Variants in RAD51AP2 observed in about 807,000 individuals in gnomAD.
RAD51AP2 encodes the protein RAD51 associated protein 2, also known as RAD51-associated protein 2.
RAD51AP2 carries 67 observed loss-of-function variants against 85.5 expected under a neutral mutation model. That is an observed-to-expected ratio of 0.78 (90% CI 0.64 to 0.96). RAD51AP2 has a LOEUF of 0.96. Among genes scored for constraint, RAD51AP2 ranks in the 40% least tolerant of loss-of-function variants. The pLI is 0.00. For synonymous variants in RAD51AP2, 474 were observed against 446.5 expected (o/e 1.06, Z -0.78); for missense variants, 1,307 against 1,332.4 (o/e 0.98, Z 0.30).
Position 17,517,018 on chromosome 2 carries a change from T to C in RAD51AP2, c.1398A>G (p.Ile466Met). 1.9e-6 allele frequency: 3 copies of C among 1,603,618 alleles called. No homozygotes were observed. The highest frequency in any genetic ancestry group is 2.5e-6 in the Non-Finnish European group (3 of 1,177,240). Residue 466 changes from isoleucine (I) to methionine (M), a missense_variant, in exon 1 of 3, where the codon ATA becomes ATG. Physicochemically the swap from Ile to Met is conservative, Grantham distance 10. Transcript: ENST00000399080. ...TTATTAAAGCTGTCTGACTACCTAA[T>C]ATTTCTCTTACGAGAAGCTTTGATT... is the stretch of plus-strand genomic sequence containing the variant. ...EEQSKLLVREILGSQTALITT... is the reference protein window; with the variant it reads ...EEQSKLLVREMLGSQTALITT...
At chr2:17,527,038 A>C in the RAD51AP2 span, among the ~76,000 whole-genome samples, 2 of 152,302 alleles carry the variant, frequency 1.3e-5, no homozygotes, top group South Asian at 2.1e-4. Flanking sequence ...AAATCATAGT[A>C]AGAATTTTAA....
In RAD51AP2 at chr2:17,510,828, G is replaced by A. The variant is rs746043981; in HGVS notation, c.3456C>T (p.Tyr1152=). 48 of 1,583,146 alleles carry A rather than the reference G, an allele frequency of 3.0e-5. No homozygotes were observed. In the Middle Eastern group the frequency reaches 8.4e-4, roughly 28 times the overall value. Reference sequence around the variant, plus strand: ...GTCAAAAATTTTCTTTTAAGTTTCCGTAACACATTTGTTTCAGATAAGGAT... The same window carrying A: ...GTCAAAAATTTTCTTTTAAGTTTCCATAACACATTTGTTTCAGATAAGGAT... ...QLHPYLKQMC[Y]GNLKENF The change falls in exon 3 of 3, where the codon TAC becomes TAT. Residue 1152 remains tyrosine, a synonymous_variant. Transcript: ENST00000399080.
At chr2:17,532,635 T>G in the RAD51AP2 span, among the ~76,000 whole-genome samples, 3 of 152,198 alleles carry the variant, frequency 2.0e-5, no homozygotes, top group African/African-American at 7.2e-5. Context: ...AGGGAACCAT[T>G]GACTTGTGGG....
chr2:17,517,603 G>A lies in RAD51AP2; in HGVS notation c.813C>T (p.Ser271=), dbSNP rs189878148. The A allele has an allele frequency of 2.5e-6, 4 of 1,613,812 alleles. No homozygotes were observed. Among genetic ancestry groups the A allele is most frequent in the African/African-American group, 2.7e-5 (2 of 75,006 alleles). Residue 271 remains serine, a synonymous_variant, in exon 1 of 3, where the codon TCC becomes TCT. Transcript: ENST00000399080. ...QFPMDLNSKM[S]SVYLKEIAKK... Reference sequence around the variant, plus strand: ...TCGCTATTTCCTTTAAATAGACAGAGGACATTTTGCTATTTAAGTCCATTG... The same window carrying A: ...TCGCTATTTCCTTTAAATAGACAGAAGACATTTTGCTATTTAAGTCCATTG...
At chr2:17,519,181 A>G (rs2103314868), upstream of RAD51AP2, among the ~76,000 whole-genome samples, 2 of 152,134 alleles carry the variant, frequency 1.3e-5, no homozygotes, top group South Asian at 4.1e-4. Context: ...AAAATATTAT[A>G]TGTTTGAACT....
chr2:17,528,623 A>G, the RAD51AP2 span, among the ~76,000 whole-genome samples: 5 of 152,126 alleles, frequency 3.3e-5, no homozygotes, highest in African/African-American at 1.2e-4. Context: ...AAGGAGGATC[A>G]CTTGAGGCCA....
In RAD51AP2 at chr2:17,515,980, A is replaced by G. The variant is rs552581094; in HGVS notation, c.2436T>C (p.Thr812=). Residue 812 remains threonine, a synonymous_variant, in exon 1 of 3, where the codon ACT becomes ACC. Coordinates refer to ENST00000399080, the MANE Select transcript of RAD51AP2 (RefSeq NM_001099218.3). The part of the protein sequence containing the change: ...HNEETHTTSI[T]QVLNFWNLLS... ...GCAAGTTCCAAAAATTTAGTACTTG[A>G]GTTATAGAAGTGGTATGGGTCTCTT... 6.0e-5 allele frequency: 97 copies of G among 1,611,804 alleles called. No individual in the cohort carries two copies. In the South Asian group the frequency reaches 1.0e-3, roughly 17 times the overall value.
At position 17,518,290 on chromosome 2, in the gene RAD51AP2, T is replaced by A; in HGVS notation, c.126A>T (p.Gly42=). The change falls in exon 1 of 3, where the codon GGA becomes GGT. Residue 42 remains glycine, a synonymous_variant. Transcript: ENST00000399080. ...SSKRLCLEEP[G]GVFKAGWRLP... ...GTCGCCAGCCCGCCTTAAAGACACC[T>A]CCAGGCTCCTCAAGACAGAGCCGCT... 1 of 1,614,024 alleles carries A rather than the reference T, an allele frequency of 6.2e-7. No individual in the cohort carries two copies. The highest frequency in any genetic ancestry group is 8.5e-7 in the Non-Finnish European group (1 of 1,180,002).
At chr2:17,527,739 A>C in the RAD51AP2 span, among the ~76,000 whole-genome samples, 1 of 152,202 alleles carries the variant, frequency 6.6e-6, no homozygotes, top group Admixed American at 6.5e-5. Flanking sequence ...AACTTGTGTG[A>C]AAGTATATCA....
the RAD51AP2 span, among the ~76,000 whole-genome samples, chr2:17,523,998 G>A: frequency 1.2e-3 from 182 of 152,064 alleles, 2 homozygotes; most frequent in African/African-American, 3.1e-3. Context: ...TGTGCCTGAT[G>A]CTGAATGAAA....
At position 17,514,105 on chromosome 2, in the gene RAD51AP2, A is replaced by C; in HGVS notation, c.3248-13T>G. 6.9e-7 allele frequency: 1 copy of C among 1,459,160 alleles called. No homozygotes were observed. Among genetic ancestry groups the C allele is most frequent in the East Asian group, 2.3e-5 (1 of 43,876 alleles). The allele number at this position is 1,459,160 out of a possible 1,614,324, so 90.4% of individuals were successfully genotyped here. A position where few individuals can be genotyped will look rare whatever the true frequency, so the allele number is the denominator to read the frequency against. ...GGTGTTTCACAATCTGAAAATAAAG[A>C]GTGATATGTTACAGCAAAAAGTAAC... On this transcript the variant is annotated splice_polypyrimidine_tract_variant and intron_variant, in intron 1 of 2. Coordinates refer to ENST00000399080, the MANE Select transcript of RAD51AP2 (RefSeq NM_001099218.3).
chr2:17,530,671 C>T, the RAD51AP2 span, among the ~76,000 whole-genome samples: 1 of 146,730 alleles, frequency 6.8e-6, no homozygotes, highest in African/African-American at 2.5e-5. Context: ...AAATTATCCA[C>T]ATATCTTTTA....
the RAD51AP2 span, among the ~76,000 whole-genome samples, chr2:17,529,900 T>A: frequency 6.6e-6 from 1 of 152,324 alleles, no homozygotes; most frequent in Middle Eastern, 3.4e-3. Context: ...AGGAACACTA[T>A]AAACTACAGG....
the RAD51AP2 span, among the ~76,000 whole-genome samples, chr2:17,534,723 T>C: frequency 6.6e-6 from 1 of 152,208 alleles, no homozygotes; most frequent in Admixed American, 6.5e-5. Flanking sequence ...AGTTCTACAC[T>C]TGTAATTTAT....
intron 2 of RAD51AP2, 57 bp from the exon 3 acceptor site, chr2:17,511,012 CT>C: frequency 8.0e-7 from 1 of 1,247,172 alleles, no homozygotes; most frequent in Non-Finnish European, 1.1e-6. Flanking sequence ...GCCTAAAAAT[CT>C]TTACTTCTAA....
At chr2:17,512,972 A>G (rs926253412) in intron 2 of RAD51AP2, among the ~76,000 whole-genome samples, 2 of 152,208 alleles carry the variant, frequency 1.3e-5, no homozygotes, top group Non-Finnish European at 2.9e-5. Context: ...AAATGTTTTG[A>G]GACATGATGC....
chr2:17,516,121 C>A lies in RAD51AP2; in HGVS notation c.2295G>T (p.Met765Ile), dbSNP rs1662655202. 6.2e-7 allele frequency: 1 copy of A among 1,612,008 alleles called. No homozygotes were observed. ...EVNMHSQDLN[M>I]ERKQGHNKIS... ...TCTTATTATGTCCCTGTTTTCTTTC[C>A]ATATTTAAATCTTGGCTGTGCATAT... The change falls in exon 1 of 3, where the codon ATG (methionine) becomes ATT (isoleucine). Residue 765 changes from methionine to isoleucine, a missense_variant. By Grantham distance (10) the Met-to-Ile change is conservative. Coordinates refer to ENST00000399080, the MANE Select transcript of RAD51AP2 (RefSeq NM_001099218.3).
intron 2 of RAD51AP2, among the ~76,000 whole-genome samples, chr2:17,511,419 T>C (rs890196215): frequency 2.7e-4 from 41 of 152,188 alleles, no homozygotes; most frequent in African/African-American, 9.6e-4. Flanking sequence ...AATAGAGGGC[T>C]CTGAGTTGGA....
At chr2:17,526,146 C>A in the RAD51AP2 span, among the ~76,000 whole-genome samples, 1 of 151,724 alleles carries the variant, frequency 6.6e-6, no homozygotes. Flanking sequence ...ATATGCTCTA[C>A]AACAATCCAG....
Sources: allele counts gnomAD v4.1 joint callset (sites outside exome capture counted in the v4.1 genomes callset), GRCh38; gene constraint gnomAD v4.1.1; transcripts MANE v1.5; gene names NCBI Gene and HGNC (gene_info 2026-07-23, HGNC 2026-07-21).